The following COA1 variants were observed in gnomAD, a reference collection of about 807,000 sequenced individuals.
COA1 encodes cytochrome c oxidase assembly factor 1 homolog.
A neutral mutation model predicts 16.0 loss-of-function variants in COA1; 13 were observed. The observed-to-expected ratio is 0.81, with a 90% confidence interval of 0.53 to 1.29. The LOEUF (loss-of-function observed/expected upper bound fraction) is 1.29. COA1 is among the 50% of genes most tolerant of loss of function. COA1 has a pLI of 0.00. For missense variants in COA1, 179 were observed against 177.0 expected (o/e 1.01, Z -0.06); for synonymous variants, 65 against 65.7 (o/e 0.99, Z 0.05).
intron 6 of COA1, among the ~76,000 whole-genome samples, chr7:43,611,977 G>A (rs1370224327): frequency 6.6e-6 from 1 of 152,154 alleles, no homozygotes; most frequent in African/African-American, 2.4e-5. Flanking sequence ...TTACTTGAGA[G>A]CATCAAAGGT....
intron 1 of COA1, among the ~76,000 whole-genome samples, chr7:43,728,353 GTGTTT>G (rs3061981): frequency 0.56 from 84,638 of 151,392 alleles, 25,388 homozygotes; most frequent in African/African-American, 0.8. Flanking sequence ...CTTTTGTTTT[GTGTTT>G]TGTTTTGTTT....
chr7:43,644,765 G>GATA (rs1204492748), intron 4 of COA1, among the ~76,000 whole-genome samples: 2 of 80,480 alleles, frequency 2.5e-5, no homozygotes, highest in African/African-American at 4.8e-5. Flanking sequence ...TAGATAGGCA[G>GATA]GCAGGCAGGC....
rs199621151 is a variant in COA1 at position 43,647,607 on chromosome 7, G to T, written c.43C>A (p.Leu15Met). Residue 15 changes from leucine to methionine, a missense_variant, in exon 3 of 6, where the codon CTG becomes ATG. Transcript: ENST00000223336. ...KYAGSRRSMP[L>M]GARILFHGVF... The stretch of plus-strand genomic sequence containing the variant: ...CCGTGGAAAAGGATCCTTGCTCCCA[G>T]AGGCATTGACCGCCTGCTTCCTGCA... 6.2e-7 allele frequency: 1 copy of T among 1,613,794 alleles called. No individual in the cohort carries two copies. Among genetic ancestry groups the T allele is most frequent in the Non-Finnish European group, 8.5e-7 (1 of 1,179,796 alleles).
chr7:43,650,831 A>AG (rs1237547252), intron 1 of COA1: 4 of 151,800 alleles, frequency 2.6e-5, no homozygotes, highest in Non-Finnish European at 5.9e-5. Context: ...AAAAAAAAAA[A>AG]CAGAAGAATT....
intron 6 of COA1, chr7:43,624,949 A>T (rs138391954): frequency 2.9e-5 from 29 of 991,668 alleles, no homozygotes; most frequent in African/African-American, 1.0e-4. Flanking sequence ...AACCAGTATC[A>T]CTTACACAAA....
chr7:43,720,262 A>G (rs1413364328), intron 1 of COA1, among the ~76,000 whole-genome samples: 1 of 152,056 alleles, frequency 6.6e-6, no homozygotes, highest in African/African-American at 2.4e-5. Context: ...TGGGCAACAA[A>G]GCAAAACTCT....
intron 1 of COA1, chr7:43,649,555 G>C (rs1424528599): frequency 6.6e-6 from 1 of 152,232 alleles, no homozygotes; most frequent in East Asian, 1.9e-4. Context: ...CTGAGGGTCT[G>C]ATCTGGTCAG....
chr7:43,725,873 A>T (rs2095606763), intron 1 of COA1, among the ~76,000 whole-genome samples: 1 of 150,136 alleles, frequency 6.7e-6, no homozygotes, highest in Non-Finnish European at 1.5e-5. Context: ...AAATATATAT[A>T]TTATATATAT....
At chr7:43,691,394 AGGAAGGAAGGAAG>A (rs1206356169) in intron 1 of COA1, among the ~76,000 whole-genome samples, 2 of 117,126 alleles carry the variant, frequency 1.7e-5, no homozygotes, top group African/African-American at 6.7e-5. Context: ...GAAGGAAGGA[AGGAAGGAAGGAAG>A]GAAGGAAGAA....
chr7:43,711,841 T>C (rs933628414), intron 1 of COA1, among the ~76,000 whole-genome samples: 4 of 152,216 alleles, frequency 2.6e-5, no homozygotes, highest in Admixed American at 1.3e-4. Flanking sequence ...ATGGAACCAG[T>C]GTCATCTATG....
intron 1 of COA1, among the ~76,000 whole-genome samples, chr7:43,673,806 T>C (rs1285607033): frequency 6.6e-6 from 1 of 152,192 alleles, no homozygotes; most frequent in Non-Finnish European, 1.5e-5. Context: ...TGGAATAATA[T>C]GTAGCCATAA....
At chr7:43,621,151 G>T (rs1367976019) in intron 6 of COA1, among the ~76,000 whole-genome samples, 1 of 152,164 alleles carries the variant, frequency 6.6e-6, no homozygotes, top group Non-Finnish European at 1.5e-5. Flanking sequence ...ATAATTCAGA[G>T]ATTTTTTAAA....
chr7:43,614,509 T>C (rs184106046), intron 6 of COA1, among the ~76,000 whole-genome samples: 160 of 152,342 alleles, frequency 1.1e-3, no homozygotes, highest in Non-Finnish European at 1.7e-3. Flanking sequence ...TAGATATATT[T>C]CACCATCGAA....
chr7:43,692,541 C>CA (rs979149327), intron 1 of COA1, among the ~76,000 whole-genome samples: 15 of 149,154 alleles, frequency 1.0e-4, no homozygotes, highest in South Asian at 2.1e-4. Context: ...ACAACAACAA[C>CA]AAAAAAAAAA....
intron 1 of COA1, among the ~76,000 whole-genome samples, chr7:43,674,395 T>C (rs996462477): frequency 5.9e-5 from 9 of 152,242 alleles, no homozygotes; most frequent in Non-Finnish European, 1.0e-4. Flanking sequence ...TGTGTGTTAC[T>C]TGTCTCATGT....
chr7:43,615,759 C>T (rs1405354207), intron 6 of COA1, among the ~76,000 whole-genome samples: 1 of 152,206 alleles, frequency 6.6e-6, no homozygotes, highest in Non-Finnish European at 1.5e-5. Context: ...CCTGCAGATG[C>T]TCCACAGCAG....
At chr7:43,665,233 C>A (rs922569292) in intron 1 of COA1, among the ~76,000 whole-genome samples, 6 of 152,132 alleles carry the variant, frequency 3.9e-5, no homozygotes, top group Admixed American at 3.3e-4. Context: ...AAGATTTGAG[C>A]TTTCAATCTA....
At chr7:43,704,307 T>C (rs1162319354) in intron 1 of COA1, among the ~76,000 whole-genome samples, 3 of 152,162 alleles carry the variant, frequency 2.0e-5, no homozygotes, top group Non-Finnish European at 4.4e-5. Context: ...TCATCTTGTA[T>C]AGTATGTGGG....
chr7:43,632,993 GAATAGTCA>G (rs1312392733), intron 6 of COA1: 1 of 152,226 alleles, frequency 6.6e-6, no homozygotes, highest in Non-Finnish European at 1.5e-5. Context: ...GGGATTTTCA[GAATAGTCA>G]ATGAGCATTG....
Sources: gnomAD v4.1 joint callset for allele counts (sites outside exome capture counted in the v4.1 genomes callset) on GRCh38, gnomAD v4.1.1 for gene constraint, MANE v1.5 for transcripts, NCBI Gene and HGNC (gene_info 2026-07-23, HGNC 2026-07-21) for gene names.